PRELID2: variants seen among roughly 807,000 people sequenced by gnomAD.
PRELID2 encodes the protein PRELI domain-containing protein 2.
PRELID2 carries 25 observed loss-of-function variants against 28.4 expected under a neutral mutation model. The observed-to-expected ratio is 0.88, with a 90% confidence interval of 0.64 to 1.23. The LOEUF (loss-of-function observed/expected upper bound fraction) is 1.23, where lower values mean the gene tolerates loss of function less well. PRELID2 is among the 50% of genes most tolerant of loss of function. The pLI is 0.00. For missense variants in PRELID2, 201 were observed against 214.4 expected, an observed-to-expected ratio of 0.94 and a Z score of 0.39; for synonymous variants, 76 against 71.6, an observed-to-expected ratio of 1.06 and a Z score of -0.31.
the PRELID2 span, among the ~76,000 whole-genome samples, chr5:145,311,761 G>A: frequency 6.6e-6 from 1 of 152,114 alleles, no homozygotes. Flanking sequence ...TGATATGGAT[G>A]AACACAGAAA....
chr5:145,611,077 C>T (rs1462446818), intron 1 of PRELID2, among the ~76,000 whole-genome samples: 2 of 151,226 alleles, frequency 1.3e-5, no homozygotes, highest in African/African-American at 4.8e-5. Context: ...GTAAAATCGT[C>T]ATTAAAATTC....
At position 145,740,537 on chromosome 5, in the gene PRELID2, A is replaced by C. The variant is rs1240237214; in HGVS notation, n.70+24394T>G. On this transcript the variant is annotated intron_variant and non_coding_transcript_variant, in intron 1 of 2. Coordinates refer to the PRELID2 transcript ENST00000510259. Reference sequence around the variant, plus strand: ...CTAACTAGCATTTATAAAACATTTTACCCAACAACATGAGAATATTCAAGT... The same window carrying C: ...CTAACTAGCATTTATAAAACATTTTCCCCAACAACATGAGAATATTCAAGT... Among the ~76,000 whole-genome samples the C allele has an allele frequency of 5.2e-5, 6 of 116,424 alleles. No individual in the cohort carries two copies. The South Asian group carries it at 1.5e-3, about 30-fold the overall frequency. The allele number at this position is 116,424 out of a possible 152,430, so 76.4% of individuals were successfully genotyped here. A position where few individuals can be genotyped will look rare whatever the true frequency, so the allele number is the denominator to read the frequency against.
the PRELID2 span, among the ~76,000 whole-genome samples, chr5:145,330,129 G>A: frequency 1.3e-4 from 20 of 152,280 alleles, no homozygotes; most frequent in Admixed American, 1.2e-3. Context: ...AAGCCAAGTT[G>A]ATCATGGTGG....
intron 1 of PRELID2, among the ~76,000 whole-genome samples, chr5:145,510,209 G>T (rs1439464726): frequency 6.6e-6 from 1 of 152,132 alleles, no homozygotes; most frequent in Admixed American, 6.6e-5. Flanking sequence ...GTTGACACGT[G>T]TTCACCTATA....
the PRELID2 span, among the ~76,000 whole-genome samples, chr5:145,450,288 C>G: frequency 6.6e-6 from 1 of 152,248 alleles, no homozygotes; most frequent in South Asian, 2.1e-4. Context: ...CAACTGAACT[C>G]AAGAAGTTAC....
At chr5:145,799,509 A>G (rs1233905200) in intron 4 of PRELID2, among the ~76,000 whole-genome samples, 1 of 152,154 alleles carries the variant, frequency 6.6e-6, no homozygotes, top group East Asian at 1.9e-4. Flanking sequence ...AAAGGCACAC[A>G]GGCAAGTGGG....
the PRELID2 span, among the ~76,000 whole-genome samples, chr5:145,303,479 A>T: frequency 6.6e-6 from 1 of 152,194 alleles, no homozygotes; most frequent in Admixed American, 6.5e-5. Flanking sequence ...TAGAGAACTC[A>T]TGGTGCCCTG....
intron 1 of PRELID2, among the ~76,000 whole-genome samples, chr5:145,610,762 C>A (rs1581000776): frequency 6.6e-6 from 1 of 152,106 alleles, no homozygotes; most frequent in East Asian, 1.9e-4. Flanking sequence ...ACTTTCTCTT[C>A]AAAAGTGGCC....
the PRELID2 span, among the ~76,000 whole-genome samples, chr5:145,362,058 C>T: frequency 6.6e-6 from 1 of 152,182 alleles, no homozygotes. Context: ...TACTAGAATG[C>T]ACATTTTACA....
the PRELID2 span, among the ~76,000 whole-genome samples, chr5:145,288,656 A>T: frequency 6.6e-6 from 1 of 152,260 alleles, no homozygotes; most frequent in South Asian, 2.1e-4. Flanking sequence ...AGAGCAAGGA[A>T]ATAAGTGCAT....
intron 1 of PRELID2, among the ~76,000 whole-genome samples, chr5:145,658,532 G>A (rs528007235): frequency 6.6e-6 from 1 of 152,314 alleles, no homozygotes; most frequent in Non-Finnish European, 1.5e-5. Context: ...TTGGTGATGA[G>A]TGAGTACTTG....
the PRELID2 span, among the ~76,000 whole-genome samples, chr5:145,379,842 G>A: frequency 2.9e-3 from 437 of 152,146 alleles, 4 homozygotes; most frequent in African/African-American, 9.4e-3. Context: ...TGTGGGCCCC[G>A]AGAGCACTCA....
chr5:145,330,914 G>T, the PRELID2 span, among the ~76,000 whole-genome samples: 25 of 151,222 alleles, frequency 1.7e-4, no homozygotes, highest in Admixed American at 4.0e-4. Context: ...GGCATTTAGT[G>T]CTATAAATTT....
chr5:145,368,093 T>G, the PRELID2 span, among the ~76,000 whole-genome samples: 1 of 151,980 alleles, frequency 6.6e-6, no homozygotes. Context: ...TATTTGGTTA[T>G]TTATTTGTTT....
the PRELID2 span, among the ~76,000 whole-genome samples, chr5:145,439,181 C>T: frequency 6.6e-6 from 1 of 152,080 alleles, no homozygotes; most frequent in African/African-American, 2.4e-5. Flanking sequence ...TGCAGAATTG[C>T]CTGGGATTGG....
chr5:145,366,737 T>TA, the PRELID2 span, among the ~76,000 whole-genome samples: 245 of 152,070 alleles, frequency 1.6e-3, 1 homozygote, highest in Non-Finnish European at 2.9e-3. Context: ...CACCATACTT[T>TA]AAGCCACCAA....
chr5:145,372,637 A>C, the PRELID2 span, among the ~76,000 whole-genome samples: 1 of 151,500 alleles, frequency 6.6e-6, no homozygotes, highest in African/African-American at 2.4e-5. Context: ...TGTTGGTTTA[A>C]AGTCTGTTTT....
chr5:145,574,491 G>T (rs907060343), intron 1 of PRELID2, among the ~76,000 whole-genome samples: 1 of 152,186 alleles, frequency 6.6e-6, no homozygotes, highest in Admixed American at 6.5e-5. Context: ...CCACTCTGAG[G>T]TGATGGCACT....
intron 1 of PRELID2, among the ~76,000 whole-genome samples, chr5:145,618,466 A>G (rs1447653995): frequency 6.6e-6 from 1 of 152,138 alleles, no homozygotes; most frequent in East Asian, 1.9e-4. Flanking sequence ...GGGTCTAGCC[A>G]CTCAGCAAGT....
Sources: gnomAD v4.1 joint callset for allele counts (sites outside exome capture counted in the v4.1 genomes callset) on GRCh38, gnomAD v4.1.1 for gene constraint, MANE v1.5 for transcripts, NCBI Gene and HGNC (gene_info 2026-07-23, HGNC 2026-07-21) for gene names.